Variants in PLXNA4 observed in about 807,000 individuals in gnomAD.
PLXNA4 encodes the protein plexin-A4.
PLXNA4 carries 44 observed loss-of-function variants against 191.8 expected under a neutral mutation model. The ratio of observed to expected loss-of-function variants is 0.23; its 90% confidence interval spans 0.18 to 0.29. The LOEUF is 0.29. PLXNA4 is among the 10% of genes least tolerant of loss of function. The probability of loss-of-function intolerance (pLI) is 1.00; values close to 1 mark genes in which losing one functional copy is unlikely to be tolerated. For missense variants in PLXNA4, 1,800 were observed against 2,488.8 expected (o/e 0.72, Z 5.89); for synonymous variants, 1,082 against 1,009.5 (o/e 1.07, Z -1.36).
intron 3 of PLXNA4, among the ~76,000 whole-genome samples, chr7:132,327,634 T>C (rs1802425200): frequency 6.6e-6 from 1 of 152,178 alleles, no homozygotes; most frequent in African/African-American, 2.4e-5. Context: ...TGCTATGCCC[T>C]GGGTTCTCGG....
intron 1 of PLXNA4, among the ~76,000 whole-genome samples, chr7:132,559,500 A>G (rs1800940068): frequency 1.3e-5 from 2 of 152,180 alleles, no homozygotes; most frequent in African/African-American, 4.8e-5. Flanking sequence ...TAACTGGTAT[A>G]AATGATGCCC....
chr7:132,140,707 G>T lies in PLXNA4; in HGVS notation c.5330C>A (p.Thr1777Asn), dbSNP rs1269299858. The T allele has an allele frequency of 6.2e-7, 1 of 1,614,134 alleles. No individual in the cohort carries two copies. The change falls in exon 30 of 32, where the codon ACC (threonine) becomes AAC (asparagine). Residue 1777 changes from threonine to asparagine, a missense_variant. Coordinates refer to ENST00000321063, the MANE Select transcript of PLXNA4 (RefSeq NM_020911.2). ...TDACLSVVAQ[T>N]FMDSCSTSEH... ...TGACGTGGAGCAAGAGTCCATGAAG[G>T]TCTGAGCCACCACAGAGAGGCAGGC...
intron 30 of PLXNA4, among the ~76,000 whole-genome samples, chr7:132,133,986 G>T (rs1795043964): frequency 6.6e-6 from 1 of 152,130 alleles, no homozygotes; most frequent in African/African-American, 2.4e-5. Flanking sequence ...TGGTGGCCCA[G>T]CTCAGCCTAG....
chr7:132,453,066 G>A (rs950496888), intron 3 of PLXNA4, among the ~76,000 whole-genome samples: 9 of 152,140 alleles, frequency 5.9e-5, no homozygotes, highest in Non-Finnish European at 1.0e-4. Context: ...TGGTCATGGG[G>A]AATTATGTAG....
chr7:132,209,728 C>G (rs752947289), intron 10 of PLXNA4, among the ~76,000 whole-genome samples: 50 of 152,126 alleles, frequency 3.3e-4, no homozygotes, highest in Non-Finnish European at 4.4e-4. Context: ...CCACGAAATC[C>G]TTTGTCTGGG....
chr7:132,449,066 C>G (rs1184782602), intron 3 of PLXNA4, among the ~76,000 whole-genome samples: 1 of 152,170 alleles, frequency 6.6e-6, no homozygotes, highest in Non-Finnish European at 1.5e-5. Flanking sequence ...GATCAGATGT[C>G]AAGACTTTTC....
chr7:132,253,181 CTG>C (rs1037763439), intron 4 of PLXNA4, among the ~76,000 whole-genome samples: 1 of 150,884 alleles, frequency 6.6e-6, no homozygotes, highest in Non-Finnish European at 1.5e-5. Context: ...ACTAAATTAA[CTG>C]TGCAGCTCAA....
At chr7:132,302,780 A>G (rs1801356636) in intron 3 of PLXNA4, among the ~76,000 whole-genome samples, 1 of 152,114 alleles carries the variant, frequency 6.6e-6, no homozygotes, top group African/African-American at 2.4e-5. Flanking sequence ...GAAAGAAGAC[A>G]CACTGACCAG....
At chr7:132,311,156 T>TTGTGTGTG (rs749947062) in intron 3 of PLXNA4, among the ~76,000 whole-genome samples, 15,236 of 131,908 alleles carry the variant, frequency 0.12, 1,099 homozygotes, top group Admixed American at 0.22. Flanking sequence ...TCTAGGATAA[T>TTGTGTGTG]TGTGTGTGTG....
chr7:132,385,103 G>A (rs1805066300), intron 3 of PLXNA4: 3 of 1,568,428 alleles, frequency 1.9e-6, no homozygotes, highest in Admixed American at 3.7e-5. Flanking sequence ...GTCACAGGGA[G>A]GTAGATGTGT....
chr7:132,224,670 GA>G (rs1798254668), intron 8 of PLXNA4, among the ~76,000 whole-genome samples: 1 of 152,222 alleles, frequency 6.6e-6, no homozygotes, highest in Non-Finnish European at 1.5e-5. Flanking sequence ...CCCCAGAGGG[GA>G]AAGTGGAGGG....
intron 2 of PLXNA4, among the ~76,000 whole-genome samples, chr7:132,585,903 G>C (rs1802497652): frequency 6.6e-6 from 1 of 152,206 alleles, no homozygotes; most frequent in African/African-American, 2.4e-5. Context: ...CATACGAATT[G>C]AGAGTGGGAT....
chr7:132,460,833 G>A (rs1228785013), intron 3 of PLXNA4, among the ~76,000 whole-genome samples: 1 of 151,960 alleles, frequency 6.6e-6, no homozygotes, highest in East Asian at 1.9e-4. Flanking sequence ...TTTCAGAATG[G>A]TGTTCACACT....
chr7:132,381,533 C>G (rs918860498), intron 3 of PLXNA4, among the ~76,000 whole-genome samples: 2 of 152,120 alleles, frequency 1.3e-5, no homozygotes, highest in Admixed American at 1.3e-4. Flanking sequence ...TAAATTTGAC[C>G]AGATAATCTT....
intron 3 of PLXNA4, among the ~76,000 whole-genome samples, chr7:132,407,676 C>T (rs574203503): frequency 1.3e-5 from 2 of 152,242 alleles, no homozygotes; most frequent in African/African-American, 4.8e-5. Context: ...GTTTGAGGGG[C>T]TTGTCCTAGT....
At chr7:132,482,251 C>T (rs1318863055) in intron 3 of PLXNA4, among the ~76,000 whole-genome samples, 2 of 152,148 alleles carry the variant, frequency 1.3e-5, no homozygotes, top group Admixed American at 6.5e-5. Context: ...CTTCTGAAAC[C>T]AGGTTTCAAA....
At chr7:132,545,497 C>T (rs1800261614) in intron 1 of PLXNA4, among the ~76,000 whole-genome samples, 1 of 152,168 alleles carries the variant, frequency 6.6e-6, no homozygotes, top group African/African-American at 2.4e-5. Context: ...AAAAACAAGC[C>T]AGGCATCACT....
chr7:132,585,640 A>G (rs907637939), intron 2 of PLXNA4, among the ~76,000 whole-genome samples: 9 of 152,142 alleles, frequency 5.9e-5, no homozygotes, highest in African/African-American at 2.2e-4. Context: ...ACAAATATCT[A>G]TTTCTTATGG....
At chr7:132,153,685 G>T (rs1795709898) in intron 25 of PLXNA4, among the ~76,000 whole-genome samples, 1 of 152,160 alleles carries the variant, frequency 6.6e-6, no homozygotes, top group Admixed American at 6.5e-5. Context: ...TTGCATGGAG[G>T]ACCCCACTGG....
Sources: allele counts gnomAD v4.1 joint callset (sites outside exome capture counted in the v4.1 genomes callset), GRCh38; gene constraint gnomAD v4.1.1; transcripts MANE v1.5; gene names NCBI Gene and HGNC (gene_info 2026-07-23, HGNC 2026-07-21).